The following ATAD3A variants were observed in gnomAD, a reference collection of about 807,000 sequenced individuals.
ATAD3A encodes ATPase family AAA domain-containing protein 3A.
ATAD3A carries 46 observed loss-of-function variants against 73.8 expected under a neutral mutation model. The observed-to-expected ratio is 0.62, with a 90% CI of 0.49 to 0.80. ATAD3A has a LOEUF of 0.80. Ranked by LOEUF, ATAD3A falls within the 30% of genes least tolerant of loss-of-function variation. The pLI, the probability that ATAD3A is intolerant of heterozygous loss-of-function variation, is 0.00. For missense variants in ATAD3A, 705 were observed against 838.0 expected (o/e 0.84, Z 1.96); for synonymous variants, 319 against 350.0 (o/e 0.91, Z 0.99).
At chr1:1,514,168 A>C (rs901422570) in intron 1 of ATAD3A, among the ~76,000 whole-genome samples, 4 of 152,142 alleles carry the variant, frequency 2.6e-5, no homozygotes, top group African/African-American at 9.7e-5. Context: ...CGGGCACCTG[A>C]CCTGCTCTTT....
chr1:1,522,629 C>A (rs752018262), intron 7 of ATAD3A, 115 bp from the exon 8 acceptor site: 259 of 1,539,078 alleles, frequency 1.7e-4, no homozygotes, highest in Non-Finnish European at 2.2e-4. Flanking sequence ...GGCCAGTGCA[C>A]GGCCCTGTGC....
rs760598490 is a variant in ATAD3A, at chr1:1,533,981, G to A, written c.1670G>A (p.Arg557His). 1.5e-4 allele frequency: 240 copies of A among 1,613,426 alleles called. No individual in the cohort carries two copies. Among genetic ancestry groups the A allele is most frequent in the Admixed American group, 2.3e-4 (14 of 59,998 alleles). ...GVLTEAMMDT[R>H]VQDAVQQHQQ... is the part of the protein sequence containing the mutation. ...CTGACCGAGGCCATGATGGACACCC[G>A]CGTGCAAGATGCTGTCCAGCAGCAC... Residue 557 changes from arginine (R) to histidine (H), a missense_variant, in exon 16 of 16, where the codon CGC becomes CAC. This residue lies in a region of ATAD3A where 252 missense variants were observed against 278.5 expected (regional missense o/e 0.90). Transcript: ENST00000378756.
chr1:1,518,757 C>T (rs1467774511), intron 4 of ATAD3A, among the ~76,000 whole-genome samples, 164 bp from the exon 5 acceptor site: 1 of 150,694 alleles, frequency 6.6e-6, no homozygotes, highest in Non-Finnish European at 1.5e-5. Flanking sequence ...CACAGTCACC[C>T]GCCTGCACAT....
Position 1,512,274 on chromosome 1 carries a change from G to C in ATAD3A, c.6G>C (p.Ser2=), listed in dbSNP as rs769229163. 2 of 1,274,160 alleles carry C rather than the reference G, an allele frequency of 1.6e-6. No individual in the cohort carries two copies. Among genetic ancestry groups the C allele is most frequent in the African/African-American group, 3.1e-5 (2 of 65,212 alleles). The allele number at this position is 1,274,160 out of a possible 1,614,324, so 78.9% of individuals were successfully genotyped here. Residue 2 remains serine (S), a synonymous_variant, in exon 1 of 16, where the codon TCG becomes TCC. Coordinates refer to ENST00000378756, the MANE Select transcript of ATAD3A (RefSeq NM_001170535.3). M[S]WLFGINKGPK... ...GCGGCGGCGGCGGTGCGAGCATGTCGTGGCTCTTCGGCATTAACAAGGGCC... is the reference window on the plus strand; with the variant it reads ...GCGGCGGCGGCGGTGCGAGCATGTCCTGGCTCTTCGGCATTAACAAGGGCC...
intron 1 of ATAD3A, among the ~76,000 whole-genome samples, chr1:1,515,343 C>T (rs1413497457): frequency 6.6e-6 from 1 of 152,194 alleles, no homozygotes; most frequent in Non-Finnish European, 1.5e-5. Flanking sequence ...TCTCAAAGTG[C>T]TGGGAGTACA....
rs114679139 is a variant in ATAD3A at position 1,534,475 on chromosome 1, C to T, written c.*403C>T. 2.1e-3 allele frequency: 2,247 copies of T among 1,082,402 alleles called. 23 individuals carry two copies. In the African/African-American group the frequency reaches 0.026, roughly 13 times the overall value. The allele number at this position is 1,082,402 out of a possible 1,614,324, so 67.0% of individuals were successfully genotyped here. A position where few individuals can be genotyped will look rare whatever the true frequency, so the allele number is the denominator to read the frequency against. On this transcript the variant is annotated 3_prime_UTR_variant, in exon 16 of 16. Transcript: ENST00000378756. ...CCCACAGCAGAGCCAGGTGAGGGGG[C>T]GCCTGCCAGGGCCAGACCCAGGTGG...
At position 1,520,731 on chromosome 1, in the gene ATAD3A, G is replaced by A; in HGVS notation, c.750+114G>A. 6.5e-7 allele frequency: 1 copy of A among 1,529,376 alleles called. No individual in the cohort carries two copies. The allele number at this position is 1,529,376 out of a possible 1,614,324, so 94.7% of individuals were successfully genotyped here. A position where few individuals can be genotyped will look rare whatever the true frequency, so the allele number is the denominator to read the frequency against. On this transcript the variant is annotated intron_variant, in intron 7 of 15. Coordinates refer to ENST00000378756, the MANE Select transcript of ATAD3A (RefSeq NM_001170535.3). The surrounding 1 kb of genome is among the most constrained non-coding windows in gnomAD (Gnocchi z 4.0). ...TCTGCACAGCCCTGTAGCTCTCCCA[G>A]CAGGGAGGAAGCCCACGTTGTACCT...
intron 1 of ATAD3A, among the ~76,000 whole-genome samples, chr1:1,514,629 C>T (rs1321384568): frequency 5.3e-5 from 8 of 152,248 alleles, no homozygotes; most frequent in African/African-American, 9.6e-5. Context: ...GCGTCGCTGC[C>T]TCTGTCTAAA....
chr1:1,516,669 T>C (rs1014731229), intron 2 of ATAD3A, among the ~76,000 whole-genome samples: 1 of 152,136 alleles, frequency 6.6e-6, no homozygotes, highest in Non-Finnish European at 1.5e-5. Context: ...TGCCTCGGCC[T>C]CCCAAAGTGC....
In ATAD3A at chr1:1,527,695, GT is replaced by G; in HGVS notation, c.1340del (p.Phe447SerfsTer39). On this transcript the variant is annotated frameshift_variant and splice_region_variant, in exon 14 of 16. Transcript: ENST00000378756. LOFTEE classifies it high-confidence loss of function. ...CCTCATCCTCATCCCCGCCCCGCAG[GT>G]TCATGCTGGTCCTGGCCAGCAACCA... ...LYRTGQHSNK[F>X]MLVLASNQPE... is the part of the protein sequence containing the mutation. The G allele has an allele frequency of 1.2e-6, 2 of 1,610,648 alleles. No individual in the cohort carries two copies. Among genetic ancestry groups the G allele is most frequent in the Non-Finnish European group, 1.7e-6 (2 of 1,178,104 alleles).
Position 1,523,552 on chromosome 1 carries a change from G to T in ATAD3A, c.948G>T (p.Glu316Asp). 6.2e-7 allele frequency: 1 copy of T among 1,613,002 alleles called. No homozygotes were observed. Among genetic ancestry groups the T allele is most frequent in the Non-Finnish European group, 8.5e-7 (1 of 1,179,748 alleles). Residue 316 changes from glutamate to aspartate, a missense_variant, in exon 9 of 16, where the codon GAG becomes GAT. By Grantham distance (45) the Glu-to-Asp change is conservative. Around this residue, in one of 5 missense-constraint regions of ATAD3A, gnomAD observed 315 missense variants for 334.1 expected, o/e 0.94. Coordinates refer to ENST00000378756, the MANE Select transcript of ATAD3A (RefSeq NM_001170535.3). The surrounding 1 kb of genome is among the most constrained non-coding windows in gnomAD (Gnocchi z 5.1). ...TCAGTCGACCCCAGGACGCGCTGGA[G>T]GGTGTTGTGCTCAGTGTAAGTCGGT... ...RLLSRPQDAL[E>D]GVVLSPSLEA...
chr1:1,523,409 C>T lies in ATAD3A; in HGVS notation c.907-102C>T, dbSNP rs996873923. On this transcript the variant is annotated intron_variant, in intron 8 of 15. Coordinates refer to ENST00000378756, the MANE Select transcript of ATAD3A (RefSeq NM_001170535.3). The surrounding 1 kb of genome is among the most constrained non-coding windows in gnomAD (Gnocchi z 5.1). ...GGCCGGTCCTGGCTGTGCTTTGGGG[C>T]AGCTCCGTTTCTGCGTGTTACCGAG... 61 of 1,524,916 alleles carry T rather than the reference C, an allele frequency of 4.0e-5. No homozygotes were observed. The highest frequency in any genetic ancestry group is 2.3e-4 in the Middle Eastern group (1 of 4,408). 94.5% of individuals were successfully genotyped at this position (1,524,916 alleles called of 1,614,324 possible). A position where few individuals can be genotyped will look rare whatever the true frequency, so the allele number is the denominator to read the frequency against.
At chr1:1,518,497 C>CA (rs1641453631) in intron 4 of ATAD3A, among the ~76,000 whole-genome samples, 4 of 113,834 alleles carry the variant, frequency 3.5e-5, no homozygotes, top group Admixed American at 9.1e-5. Flanking sequence ...CACATGGGCA[C>CA]GCACACAACC....
chr1:1,517,396 C>T lies in ATAD3A; in HGVS notation c.368C>T (p.Thr123Ile), dbSNP rs926874302. The stretch of plus-strand genomic sequence containing the variant: ...AGGAGGAAGACCCTGAGCGAGGAGA[C>T]CCGGCAGCACCAGGCCGTAAGAGCG... Reference protein sequence around the residue: ...EERRKTLSEETRQHQARAQYQ... With the variant: ...EERRKTLSEEIRQHQARAQYQ... The change falls in exon 3 of 16, where the codon ACC (threonine) becomes ATC (isoleucine). Residue 123 changes from threonine (T) to isoleucine (I), a missense_variant. Thr to Ile is a moderately conservative substitution (Grantham distance 89). Coordinates refer to ENST00000378756, the MANE Select transcript of ATAD3A (RefSeq NM_001170535.3). 4 of 1,524,602 alleles carry T rather than the reference C, an allele frequency of 2.6e-6. No individual in the cohort carries two copies. Among genetic ancestry groups the T allele is most frequent in the Non-Finnish European group, 8.8e-7 (1 of 1,137,562 alleles). The allele number at this position is 1,524,602 out of a possible 1,614,324, so 94.4% of individuals were successfully genotyped here.
intron 15 of ATAD3A, among the ~76,000 whole-genome samples, chr1:1,533,552 G>A (rs1215915042): frequency 6.6e-6 from 1 of 152,180 alleles, no homozygotes; most frequent in Non-Finnish European, 1.5e-5. Flanking sequence ...GGGTCTGAGG[G>A]TCTGAGGTGC....
chr1:1,518,622 C>CCCA (rs1641466250), intron 4 of ATAD3A, among the ~76,000 whole-genome samples: 2 of 45,820 alleles, frequency 4.4e-5, no homozygotes, highest in African/African-American at 5.4e-4. Flanking sequence ...GGCGTACACA[C>CCCA]CCCCCCCCAC....
chr1:1,532,571 G>A (rs1040417239), intron 15 of ATAD3A, among the ~76,000 whole-genome samples: 17 of 152,320 alleles, frequency 1.1e-4, no homozygotes, highest in Non-Finnish European at 2.1e-4. Flanking sequence ...CACCCAGGAC[G>A]CCACGTGACA....
rs201314162 is a variant in ATAD3A at position 1,512,287 on chromosome 1, A to C, written c.19A>C (p.Ile7Leu). ...TGCGAGCATGTCGTGGCTCTTCGGC[A>C]TTAACAAGGGCCCCAAGGGTGAAGG... MSWLFG[I>L]NKGPKGEGAG... Residue 7 changes from isoleucine to leucine, a missense_variant, in exon 1 of 16, where the codon ATT becomes CTT. Ile to Leu is a conservative substitution (Grantham distance 5, BLOSUM62 2). Coordinates refer to ENST00000378756, the MANE Select transcript of ATAD3A (RefSeq NM_001170535.3). 1 of 1,251,956 alleles carries C rather than the reference A, an allele frequency of 8.0e-7. No individual in the cohort carries two copies. Among genetic ancestry groups the C allele is most frequent in the African/African-American group, 1.5e-5 (1 of 64,804 alleles). 77.6% of individuals were successfully genotyped at this position (1,251,956 alleles called of 1,614,324 possible). A position where few individuals can be genotyped will look rare whatever the true frequency, so the allele number is the denominator to read the frequency against.
intron 1 of ATAD3A, among the ~76,000 whole-genome samples, chr1:1,513,697 C>T (rs9439455): frequency 6.6e-6 from 1 of 152,128 alleles, no homozygotes; most frequent in Non-Finnish European, 1.5e-5. Flanking sequence ...AGTTGACTGC[C>T]CCCTTTCCCC....
Sources: gnomAD v4.1 joint callset for allele counts (sites outside exome capture counted in the v4.1 genomes callset) on GRCh38, gnomAD v4.1.1 for gene constraint, gnomAD v4.1.1 regional missense constraint, Gnocchi (gnomAD v3.1) non-coding constraint, MANE v1.5 for transcripts, NCBI Gene and HGNC (gene_info 2026-07-23, HGNC 2026-07-21) for gene names.